SLX4IP: variants seen among roughly 807,000 people sequenced by gnomAD.
The protein encoded by SLX4IP is SLX4 interacting protein, also known as protein SLX4IP.
A neutral mutation model predicts 32.9 loss-of-function variants in SLX4IP; 34 were observed. The observed-to-expected ratio is 1.03, with a 90% CI of 0.79 to 1.38. The LOEUF is 1.38. SLX4IP is among the 40% of genes most tolerant of loss of function. The pLI is 0.00. For synonymous variants in SLX4IP, 172 were observed against 171.7 expected (o/e 1.00, Z -0.01); for missense variants, 444 against 479.0 (o/e 0.93, Z 0.68).
At chr20:10,579,672 C>T (rs181946828) in intron 4 of SLX4IP, among the ~76,000 whole-genome samples, 42 of 152,258 alleles carry the variant, frequency 2.8e-4, no homozygotes, top group Admixed American at 1.2e-3. Context: ...GTGATCCACC[C>T]GCCTTGACCT....
intron 2 of SLX4IP, among the ~76,000 whole-genome samples, chr20:10,525,704 C>G (rs2065935131): frequency 6.6e-6 from 1 of 152,176 alleles, no homozygotes; most frequent in South Asian, 2.1e-4. Flanking sequence ...TCAAACCCAT[C>G]AGGTAATGGA....
chr20:10,588,687 G>A lies in SLX4IP; in HGVS notation c.239-9988G>A, dbSNP rs796479844. Among the ~76,000 whole-genome samples, 6 of 152,272 alleles carry A rather than the reference G, an allele frequency of 3.9e-5. 1 individual carries two copies. The highest frequency in any genetic ancestry group is 1.4e-4 in the African/African-American group (6 of 41,562). On this transcript the variant is annotated intron_variant, in intron 4 of 7. Coordinates refer to ENST00000334534, the MANE Select transcript of SLX4IP (RefSeq NM_001009608.3). The stretch of plus-strand genomic sequence containing the variant: ...AAATACTGTGTGATCTCACTTGTAT[G>A]TAGAATCTAAAAAAGCCTAATTCAT...
chr20:10,606,762 A>G (rs745708555), intron 6 of SLX4IP, among the ~76,000 whole-genome samples: 1 of 152,202 alleles, frequency 6.6e-6, no homozygotes, highest in African/African-American at 2.4e-5. Flanking sequence ...TTCATACATC[A>G]TACTTAATAA....
chr20:10,445,628 T>C (rs945915778), intron 1 of SLX4IP, among the ~76,000 whole-genome samples: 10 of 103,220 alleles, frequency 9.7e-5, no homozygotes, highest in African/African-American at 3.6e-4. Flanking sequence ...GAGATTGCCC[T>C]TTTTTTTTTT....
intron 2 of SLX4IP, among the ~76,000 whole-genome samples, chr20:10,464,465 G>A (rs1299933798): frequency 6.6e-6 from 1 of 152,304 alleles, no homozygotes; most frequent in East Asian, 1.9e-4. Context: ...AGGATCACTT[G>A]AGGCCAGGAG....
intron 2 of SLX4IP, among the ~76,000 whole-genome samples, chr20:10,547,627 C>A (rs986887219): frequency 5.9e-5 from 9 of 152,210 alleles, no homozygotes; most frequent in African/African-American, 2.2e-4. Flanking sequence ...AATAGCCATT[C>A]CAATTCACGA....
chr20:10,441,246 G>A (rs1459795787), intron 1 of SLX4IP, among the ~76,000 whole-genome samples: 1 of 152,040 alleles, frequency 6.6e-6, no homozygotes, highest in East Asian at 1.9e-4. Context: ...AAACAGCCTG[G>A]GCAATATGGC....
chr20:10,616,004 G>T (rs1341025367), intron 6 of SLX4IP, among the ~76,000 whole-genome samples: 1 of 152,106 alleles, frequency 6.6e-6, no homozygotes, highest in East Asian at 1.9e-4. Context: ...TTTTGGAGGG[G>T]ACACAGTCAT....
At chr20:10,572,543 G>T (rs555392522) in intron 4 of SLX4IP, among the ~76,000 whole-genome samples, 1 of 152,008 alleles carries the variant, frequency 6.6e-6, no homozygotes, top group Non-Finnish European at 1.5e-5. Context: ...TCTAAATAGG[G>T]TTCAGGACAT....
chr20:10,456,522 A>C (rs2065287039), intron 1 of SLX4IP, among the ~76,000 whole-genome samples: 1 of 151,972 alleles, frequency 6.6e-6, no homozygotes, highest in Non-Finnish European at 1.5e-5. Context: ...TTGTATTTTT[A>C]ATAGAGACGG....
At chr20:10,486,779 A>G (rs669016) in intron 2 of SLX4IP, among the ~76,000 whole-genome samples, 30,840 of 152,148 alleles carry the variant, frequency 0.2, 3,622 homozygotes, top group East Asian at 0.27. Context: ...TTCAAATATT[A>G]CTTGAAATCA....
intron 2 of SLX4IP, among the ~76,000 whole-genome samples, chr20:10,495,096 A>G (rs2065655605): frequency 6.6e-6 from 1 of 152,196 alleles, no homozygotes; most frequent in Non-Finnish European, 1.5e-5. Context: ...ATAAATACAT[A>G]CAATTTTTAT....
At chr20:10,470,417 C>T (rs1209745067) in intron 2 of SLX4IP, among the ~76,000 whole-genome samples, 1 of 152,110 alleles carries the variant, frequency 6.6e-6, no homozygotes, top group African/African-American at 2.4e-5. Context: ...GCTAATTGTG[C>T]TTTGAGATAC....
At position 10,566,283 on chromosome 20, in the gene SLX4IP, A is replaced by AT. The variant is rs59907123; in HGVS notation, c.238+5491dup. ...TGTTTCACCAGGTAGAACTGATTAC[A>AT]TTTTTTTTTTTTTTTTTTTTTTTTT... On this transcript the variant is annotated intron_variant, in intron 4 of 7. Coordinates refer to ENST00000334534, the MANE Select transcript of SLX4IP (RefSeq NM_001009608.3). Among the ~76,000 whole-genome samples, 576 of 97,846 alleles carry AT rather than the reference A, an allele frequency of 5.9e-3. 70 individuals carry two copies. The highest frequency in any genetic ancestry group is 0.014 in the African/African-American group (317 of 22,330). 64.2% of individuals were successfully genotyped at this position (97,846 alleles called of 152,430 possible).
At chr20:10,530,543 A>C (rs2065980049) in intron 2 of SLX4IP, among the ~76,000 whole-genome samples, 1 of 152,224 alleles carries the variant, frequency 6.6e-6, no homozygotes, top group Non-Finnish European at 1.5e-5. Flanking sequence ...CTGCGTGCTC[A>C]CTTGGTGAGA....
At chr20:10,512,619 GTATTATA>G (rs2065816656) in intron 2 of SLX4IP, among the ~76,000 whole-genome samples, 1 of 138,350 alleles carries the variant, frequency 7.2e-6, no homozygotes, top group Non-Finnish European at 1.5e-5. Flanking sequence ...AATATATATA[GTATTATA>G]TATTATATAT....
At chr20:10,491,830 C>G (rs1270835222) in intron 2 of SLX4IP, among the ~76,000 whole-genome samples, 1 of 152,188 alleles carries the variant, frequency 6.6e-6, no homozygotes, top group Non-Finnish European at 1.5e-5. Context: ...TATGTCTCCT[C>G]AACCTATAAA....
chr20:10,462,250 A>G (rs2065343870), intron 2 of SLX4IP, among the ~76,000 whole-genome samples: 1 of 152,216 alleles, frequency 6.6e-6, no homozygotes, highest in Admixed American at 6.5e-5. Context: ...AGAAAAACAA[A>G]TGGTTGAGAA....
intron 2 of SLX4IP, among the ~76,000 whole-genome samples, chr20:10,494,179 A>C (rs1181095651): frequency 6.6e-6 from 1 of 151,076 alleles, no homozygotes; most frequent in Non-Finnish European, 1.5e-5. Flanking sequence ...GTTGTTGTTG[A>C]CTTTGTTACT....
Sources: allele counts gnomAD v4.1 joint callset (sites outside exome capture counted in the v4.1 genomes callset), GRCh38; gene constraint gnomAD v4.1.1; transcripts MANE v1.5; gene names NCBI Gene and HGNC (gene_info 2026-07-23, HGNC 2026-07-21).